The following INIP variants were observed in gnomAD, a reference collection of about 807,000 sequenced individuals.
The protein encoded by INIP is INTS3 and NABP interacting protein.
In INIP, 9 loss-of-function variants were observed where a neutral mutation model predicts 14.0. The observed-to-expected ratio is 0.64, with a 90% CI of 0.39 to 1.12. The LOEUF (loss-of-function observed/expected upper bound fraction) is 1.12. Ranked by LOEUF, INIP falls within the 50% of genes most tolerant of loss-of-function variation. INIP has a pLI of 0.01. For missense variants in INIP, 78 were observed against 122.7 expected (o/e 0.64, Z 1.72); for synonymous variants, 37 against 41.5 (o/e 0.89, Z 0.41).
intron 2 of INIP, among the ~76,000 whole-genome samples, chr9:112,697,551 T>C (rs1250225156): frequency 3.3e-5 from 5 of 152,012 alleles, no homozygotes; most frequent in Non-Finnish European, 7.4e-5. Context: ...CCTTTAACAC[T>C]CCAGCCTGGT....
At chr9:112,710,805 A>G (rs1238476124) in intron 2 of INIP, among the ~76,000 whole-genome samples, 1 of 152,206 alleles carries the variant, frequency 6.6e-6, no homozygotes, top group Non-Finnish European at 1.5e-5. Flanking sequence ...AAGATAATTA[A>G]GGCCCTTGGT....
chr9:112,714,932 G>A (rs568856622), intron 2 of INIP, among the ~76,000 whole-genome samples: 3 of 152,134 alleles, frequency 2.0e-5, no homozygotes, highest in African/African-American at 7.2e-5. Flanking sequence ...GGCTACAAAC[G>A]TGTACAGCAT....
intron 2 of INIP, among the ~76,000 whole-genome samples, chr9:112,700,015 T>C (rs1019205804): frequency 3.9e-5 from 6 of 152,224 alleles, no homozygotes; most frequent in African/African-American, 1.4e-4. Context: ...CTTGTAGTTG[T>C]TTTAAAAAAT....
chr9:112,699,349 CT>C (rs1228798741), intron 2 of INIP, among the ~76,000 whole-genome samples: 4 of 151,970 alleles, frequency 2.6e-5, no homozygotes, highest in Non-Finnish European at 4.4e-5. Context: ...AAGATTCTTT[CT>C]CTTTAGTAGT....
intron 2 of INIP, among the ~76,000 whole-genome samples, chr9:112,698,849 A>AT (rs1417806633): frequency 6.6e-6 from 1 of 152,230 alleles, no homozygotes; most frequent in African/African-American, 2.4e-5. Context: ...TGACTCTCAT[A>AT]TAATAGCCTT....
intron 4 of INIP, among the ~76,000 whole-genome samples, chr9:112,687,871 G>A (rs1413031227): frequency 6.6e-6 from 1 of 152,024 alleles, no homozygotes; most frequent in East Asian, 1.9e-4. Flanking sequence ...GAATCACGAG[G>A]TCAGGAGATC....
intron 2 of INIP, among the ~76,000 whole-genome samples, chr9:112,715,123 C>A (rs982417370): frequency 2.3e-5 from 3 of 128,892 alleles, no homozygotes; most frequent in African/African-American, 9.2e-5. Flanking sequence ...TACACACATA[C>A]ATACATACAT....
At chr9:112,696,737 G>T (rs1838111374) in intron 2 of INIP, among the ~76,000 whole-genome samples, 1 of 152,190 alleles carries the variant, frequency 6.6e-6, no homozygotes, top group African/African-American at 2.4e-5. Flanking sequence ...TGCTAGAGTG[G>T]CTTACAGAAC....
intron 2 of INIP, among the ~76,000 whole-genome samples, chr9:112,706,812 C>A (rs1245155352): frequency 6.6e-6 from 1 of 152,026 alleles, no homozygotes; most frequent in African/African-American, 2.4e-5. Context: ...TGCTGTGTTG[C>A]CCAGGCTGGT....
chr9:112,699,605 A>G (rs1355503460), intron 2 of INIP, among the ~76,000 whole-genome samples: 6 of 152,166 alleles, frequency 3.9e-5, no homozygotes, highest in African/African-American at 1.4e-4. Context: ...TGTATAGGAA[A>G]AAATAGAGTA....
In INIP at chr9:112,685,227, A is replaced by G. The variant is rs1588066242; in HGVS notation, c.*2311T>C. 2 of 148,628 alleles carry G rather than the reference A, an allele frequency of 1.3e-5. No homozygotes were observed. Among genetic ancestry groups the G allele is most frequent in the Admixed American group, 1.3e-4 (2 of 14,888 alleles). 9.2% of individuals were successfully genotyped at this position (148,628 alleles called of 1,614,324 possible). A position where few individuals can be genotyped will look rare whatever the true frequency, so the allele number is the denominator to read the frequency against. On this transcript the variant is annotated 3_prime_UTR_variant, in exon 5 of 5. Coordinates refer to ENST00000374242, the MANE Select transcript of INIP (RefSeq NM_021218.3). ...CGAGTGGCTGGGACTCTATGCATGC[A>G]CCAGCACACCTAGCCAATCTTTTTT...
chr9:112,696,518 G>C (rs1156561418), intron 2 of INIP, among the ~76,000 whole-genome samples: 3 of 152,208 alleles, frequency 2.0e-5, no homozygotes, highest in African/African-American at 7.2e-5. Flanking sequence ...CAATTCTTCA[G>C]TGGACACCAG....
chr9:112,701,152 CA>C (rs1437411577), intron 2 of INIP, among the ~76,000 whole-genome samples: 2 of 151,902 alleles, frequency 1.3e-5, no homozygotes, highest in African/African-American at 4.8e-5. Context: ...TACTAAAACA[CA>C]AAAAATCAGT....
chr9:112,696,047 C>T (rs1476160940), intron 2 of INIP, among the ~76,000 whole-genome samples: 1 of 151,410 alleles, frequency 6.6e-6, no homozygotes, highest in Non-Finnish European at 1.5e-5. Context: ...GCCAGCATGC[C>T]CTACTAATTT....
At chr9:112,703,744 G>A (rs765946999) in intron 2 of INIP, among the ~76,000 whole-genome samples, 9 of 152,124 alleles carry the variant, frequency 5.9e-5, no homozygotes, top group Non-Finnish European at 1.2e-4. Flanking sequence ...GCCCAGCCGA[G>A]AAGAATTTTT....
chr9:112,693,560 G>C (rs1837967725), intron 3 of INIP, among the ~76,000 whole-genome samples: 1 of 152,218 alleles, frequency 6.6e-6, no homozygotes, highest in African/African-American at 2.4e-5. Flanking sequence ...TTTCTCCCTT[G>C]TGATGTGTGC....
intron 1 of INIP, 36 bp from the exon 2 acceptor site, chr9:112,716,577 A>G (rs1838824616): frequency 7.6e-6 from 8 of 1,052,582 alleles, no homozygotes; most frequent in Non-Finnish European, 1.0e-5. Flanking sequence ...ACAATGCACC[A>G]TATTTTAATC....
rs201986556 is a variant in INIP at position 112,688,489 on chromosome 9, TAA to T, written c.220-858_220-857del. Among the ~76,000 whole-genome samples, 1,149 of 135,086 alleles carry T rather than the reference TAA, an allele frequency of 8.5e-3. 28 individuals are homozygous for T. The South Asian group carries it at 0.092, about 11-fold the overall frequency. 88.6% of individuals were successfully genotyped at this position (135,086 alleles called of 152,430 possible). A position where few individuals can be genotyped will look rare whatever the true frequency, so the allele number is the denominator to read the frequency against. On this transcript the variant is annotated intron_variant, in intron 4 of 4. Coordinates refer to ENST00000374242, the MANE Select transcript of INIP (RefSeq NM_021218.3). ...ACCACCAGTAACTTCCCTCTGTCAT[TAA>T]AAAAAAAAAAAAAAGACTGTTTTTA... is the stretch of plus-strand genomic sequence containing the variant.
Position 112,687,606 on chromosome 9 carries a change from A to G in INIP, c.247T>C (p.Phe83Leu). Reference sequence around the variant, plus strand: ...CCAAATGCAGAGTCTTGAGTGATGAAGTATCCAGATGAATGTGCATGAGCA... The same window carrying G: ...CCAAATGCAGAGTCTTGAGTGATGAGGTATCCAGATGAATGTGCATGAGCA... ...QHAHAHSSGY[F>L]ITQDSAFGNL... The change falls in exon 5 of 5, where the codon TTC (phenylalanine) becomes CTC (leucine). Residue 83 changes from phenylalanine to leucine, a missense_variant. Phe to Leu is a conservative substitution (Grantham distance 22). Transcript: ENST00000374242. 6.2e-7 allele frequency: 1 copy of G among 1,605,446 alleles called. No homozygotes were observed. The highest frequency in any genetic ancestry group is 8.5e-7 in the Non-Finnish European group (1 of 1,173,062).
Sources: gnomAD v4.1 joint callset for allele counts (sites outside exome capture counted in the v4.1 genomes callset) on GRCh38, gnomAD v4.1.1 for gene constraint, MANE v1.5 for transcripts, NCBI Gene and HGNC (gene_info 2026-07-23, HGNC 2026-07-21) for gene names.